The following ARFGEF1 variants were observed in gnomAD, a reference collection of about 807,000 sequenced individuals.
The protein encoded by ARFGEF1 is ARF guanine nucleotide exchange factor 1, also known as brefeldin A-inhibited guanine nucleotide-exchange protein 1.
A neutral mutation model predicts 231.0 loss-of-function variants in ARFGEF1; 42 were observed. The observed-to-expected ratio is 0.18, with a 90% CI of 0.14 to 0.24. ARFGEF1 has a LOEUF of 0.24. ARFGEF1 is among the 10% of genes least tolerant of loss of function. The probability of loss-of-function intolerance (pLI) is 1.00; values close to 1 mark genes in which losing one functional copy is unlikely to be tolerated. For missense variants in ARFGEF1, 1,345 were observed against 2,192.0 expected (o/e 0.61, Z 7.72); for synonymous variants, 710 against 732.3 (o/e 0.97, Z 0.49).
intron 1 of ARFGEF1, among the ~76,000 whole-genome samples, chr8:67,327,142 T>C (rs547499305): frequency 5.3e-5 from 8 of 152,292 alleles, no homozygotes; most frequent in African/African-American, 1.9e-4. Context: ...AGCAACCTTC[T>C]TCCTTGATTT....
intron 28 of ARFGEF1, among the ~76,000 whole-genome samples, chr8:67,225,492 T>G (rs770552908): frequency 2.6e-5 from 4 of 152,202 alleles, no homozygotes; most frequent in Non-Finnish European, 4.4e-5. Context: ...CACTTTCTCT[T>G]ATGACAGTTA....
intron 18 of ARFGEF1, 130 bp downstream of exon 18, chr8:67,253,321 C>T: frequency 1.8e-6 from 1 of 543,402 alleles, no homozygotes; most frequent in Non-Finnish European, 3.0e-6. Context: ...AGTGATCCTT[C>T]TGCTTCAGCC....
chr8:67,237,390 T>C (rs1300720856), intron 22 of ARFGEF1, among the ~76,000 whole-genome samples: 1 of 152,244 alleles, frequency 6.6e-6, no homozygotes, highest in African/African-American at 2.4e-5. Flanking sequence ...TTTTCCCCAG[T>C]CCAACTTGAA....
At chr8:67,277,224 G>A in intron 8 of ARFGEF1, 58 bp downstream of exon 8, 1 of 1,529,116 alleles carries the variant, frequency 6.5e-7, no homozygotes, top group Non-Finnish European at 9.0e-7. Context: ...GGTGGTGGTA[G>A]CCTATAAATT....
chr8:67,254,487 T>A (rs1353119865), intron 17 of ARFGEF1, among the ~76,000 whole-genome samples: 1 of 152,174 alleles, frequency 6.6e-6, no homozygotes, highest in Non-Finnish European at 1.5e-5. Flanking sequence ...CCTGTAAATT[T>A]ACATGAAAGT....
intron 8 of ARFGEF1, 92 bp from the exon 9 acceptor site, chr8:67,276,201 C>T: frequency 1.4e-6 from 2 of 1,397,308 alleles, no homozygotes; most frequent in Admixed American, 2.0e-5. Flanking sequence ...AATTCACTAA[C>T]AGGTGGAGAT....
At chr8:67,276,267 T>G (rs1429324980) in intron 8 of ARFGEF1, among the ~76,000 whole-genome samples, 158 bp from the exon 9 acceptor site, 2 of 152,122 alleles carry the variant, frequency 1.3e-5, no homozygotes, top group Non-Finnish European at 2.9e-5. Flanking sequence ...TGTTTTTCTT[T>G]TATACTCCAC....
chr8:67,302,560 AC>A, intron 1 of ARFGEF1, 94 bp from the exon 2 acceptor site: 1 of 881,984 alleles, frequency 1.1e-6, no homozygotes, highest in East Asian at 2.8e-5. Flanking sequence ...TGGAACTTCT[AC>A]AAAAAGTTGG....
intron 19 of ARFGEF1, among the ~76,000 whole-genome samples, chr8:67,241,869 G>A (rs1839940785): frequency 6.6e-6 from 1 of 152,130 alleles, no homozygotes; most frequent in Admixed American, 6.5e-5. Flanking sequence ...CCCATCAGCG[G>A]CCCTATGCTG....
intron 34 of ARFGEF1, among the ~76,000 whole-genome samples, chr8:67,205,878 A>G (rs1041209834): frequency 1.3e-5 from 2 of 150,914 alleles, no homozygotes; most frequent in Non-Finnish European, 2.9e-5. Context: ...ATAAATAAAT[A>G]AATAAATAAA....
chr8:67,217,292 G>GA (rs1365452577), intron 32 of ARFGEF1, among the ~76,000 whole-genome samples: 3 of 128,032 alleles, frequency 2.3e-5, no homozygotes, highest in Non-Finnish European at 4.7e-5. Context: ...AAACATGAAC[G>GA]AAACTCCATC....
chr8:67,286,704 T>C (rs1246754287), intron 7 of ARFGEF1, among the ~76,000 whole-genome samples: 3 of 152,124 alleles, frequency 2.0e-5, no homozygotes, highest in African/African-American at 7.2e-5. Context: ...ATTTTTTTAA[T>C]ATATATTTTA....
rs1472016796 is a variant in ARFGEF1, at chr8:67,343,273, C to G, written c.15G>C (p.Lys5Asn). The part of the protein sequence containing the change: MYEG[K>N]KTKNMFLTRA... ...GGGTCAGGAACATGTTCTTCGTCTT[C>G]TTCCCCTCATACATGGACGCAGAGA... The change falls in exon 1 of 39, where the codon AAG becomes AAC. Residue 5 changes from lysine to asparagine, a missense_variant. By Grantham distance (94) the Lys-to-Asn change is moderately conservative. Around this residue, in one of 14 missense-constraint regions of ARFGEF1, gnomAD observed 398 missense variants for 463.2 expected, o/e 0.86. Coordinates refer to ENST00000262215, the MANE Select transcript of ARFGEF1 (RefSeq NM_006421.5). 6.2e-7 allele frequency: 1 copy of G among 1,613,856 alleles called. No homozygotes were observed. Among genetic ancestry groups the G allele is most frequent in the Non-Finnish European group, 8.5e-7 (1 of 1,179,796 alleles).
intron 4 of ARFGEF1, among the ~76,000 whole-genome samples, chr8:67,296,897 C>A (rs1046259691): frequency 5.3e-5 from 8 of 152,062 alleles, no homozygotes; most frequent in Non-Finnish European, 8.8e-5. Context: ...TGCAAGCCTC[C>A]CACCTCAGCC....
At chr8:67,298,125 A>G (rs1335749910) in intron 4 of ARFGEF1, among the ~76,000 whole-genome samples, 1 of 151,964 alleles carries the variant, frequency 6.6e-6, no homozygotes, top group Non-Finnish European at 1.5e-5. Context: ...TTTTAGAATA[A>G]AGATATTGTA....
intron 19 of ARFGEF1, among the ~76,000 whole-genome samples, chr8:67,241,986 C>A (rs559799802): frequency 6.6e-5 from 10 of 152,322 alleles, no homozygotes; most frequent in Non-Finnish European, 4.4e-5. Flanking sequence ...CTGAGCTGAA[C>A]TGAGCTGATG....
chr8:67,248,401 T>C (rs1279492244), intron 19 of ARFGEF1, among the ~76,000 whole-genome samples: 1 of 150,388 alleles, frequency 6.6e-6, no homozygotes, highest in Non-Finnish European at 1.5e-5. Context: ...GGACAGTCTC[T>C]TCAATAAACA....
In ARFGEF1 at chr8:67,263,401, G is replaced by T. The variant is rs531192321; in HGVS notation, c.2123+2605C>A. 1.7e-4 allele frequency among the ~76,000 whole-genome samples: 26 copies of T among 152,308 alleles called. No homozygotes were observed. The South Asian group carries it at 2.7e-3, about 16-fold the overall frequency. ...TCCTATTACAAAACAGAAATCTGAT[G>T]ATGCTACTCCTCTGCTTAAAGTCCT... On this transcript the variant is annotated intron_variant, in intron 14 of 38. Coordinates refer to ENST00000262215, the MANE Select transcript of ARFGEF1 (RefSeq NM_006421.5).
At chr8:67,193,595 T>TAATA, downstream of ARFGEF1, 1 of 1,613,100 alleles carries the variant, frequency 6.2e-7, no homozygotes, top group East Asian at 2.2e-5. Flanking sequence ...ATAAACCTAT[T>TAATA]AATACAGGTA....
Sources: gnomAD v4.1 joint callset for allele counts (sites outside exome capture counted in the v4.1 genomes callset) on GRCh38, gnomAD v4.1.1 for gene constraint, gnomAD v4.1.1 regional missense constraint, MANE v1.5 for transcripts, NCBI Gene and HGNC (gene_info 2026-07-23, HGNC 2026-07-21) for gene names.